The following SPAG9 variants were observed in gnomAD, a reference collection of about 807,000 sequenced individuals.
SPAG9 encodes the protein sperm associated antigen 9.
In SPAG9, 35 loss-of-function variants were observed where a neutral mutation model predicts 166.5. That is an observed-to-expected ratio of 0.21 (90% confidence interval 0.16 to 0.28). The LOEUF is 0.28. Ranked by LOEUF, SPAG9 falls within the 10% of genes least tolerant of loss-of-function variation. The probability of loss-of-function intolerance (pLI) is 1.00; values close to 1 mark genes in which losing one functional copy is unlikely to be tolerated. For synonymous variants in SPAG9, 534 were observed against 565.5 expected (o/e 0.94, Z 0.79); for missense variants, 1,235 against 1,603.3 (o/e 0.77, Z 3.92).
rs566038526 is a variant in SPAG9 at position 51,031,892 on chromosome 17, T to TA, written c.742-171dup. On this transcript the variant is annotated intron_variant, in intron 5 of 29. Coordinates refer to ENST00000262013, the MANE Select transcript of SPAG9 (RefSeq NM_001130528.3). Reference sequence around the variant, plus strand: ...GTTTTATTTTGACTTAAGCTGACCTTAACACTCTAGTTTAAGTAATATCAT... The same window carrying TA: ...GTTTTATTTTGACTTAAGCTGACCTTAAACACTCTAGTTTAAGTAATATCAT... 431 of 692,388 alleles carry TA rather than the reference T, an allele frequency of 6.2e-4. 2 individuals are homozygous for TA. In the African/African-American group the frequency reaches 6.3e-3, roughly 10 times the overall value. The allele number at this position is 692,388 out of a possible 1,614,324, so 42.9% of individuals were successfully genotyped here. A position where few individuals can be genotyped will look rare whatever the true frequency, so the allele number is the denominator to read the frequency against.
At position 51,119,183 on chromosome 17, in the gene SPAG9, TAC is replaced by T. The variant is rs1462982886; in HGVS notation, c.303+1169_303+1170del. Among the ~76,000 whole-genome samples, 8 of 152,148 alleles carry T rather than the reference TAC, an allele frequency of 5.3e-5. No homozygotes were observed. The East Asian group carries it at 1.5e-3, about 29-fold the overall frequency. ...AACTATTTAACCAGATGCAAAGGTA[TAC>T]GTGACAAAATAAAACAAAAATTTAA... On this transcript the variant is annotated intron_variant, in intron 1 of 29. Transcript: ENST00000262013.
chr17:51,012,171 T>G (rs1234521836), intron 9 of SPAG9, among the ~76,000 whole-genome samples: 1 of 152,230 alleles, frequency 6.6e-6, no homozygotes, highest in East Asian at 1.9e-4. Flanking sequence ...GCCAGGGAGT[T>G]AGTTTCTCAA....
At chr17:51,098,876 C>T (rs1027626002) in intron 1 of SPAG9, among the ~76,000 whole-genome samples, 11 of 151,584 alleles carry the variant, frequency 7.3e-5, no homozygotes, top group African/African-American at 1.4e-4. Context: ...CCAAGGCGGG[C>T]GGATCACAAG....
chr17:51,001,573 TGA>T (rs1293465196), intron 13 of SPAG9, 140 bp downstream of exon 13: 1 of 734,800 alleles, frequency 1.4e-6, no homozygotes, highest in African/African-American at 1.8e-5. Context: ...TTGCTAATTC[TGA>T]GTGTTACTTT....
intron 2 of SPAG9, among the ~76,000 whole-genome samples, chr17:51,067,011 CTT>C (rs1240467457): frequency 6.6e-6 from 1 of 152,044 alleles, no homozygotes; most frequent in African/African-American, 2.4e-5. Context: ...TGTTTTATGA[CTT>C]TGTGTATTTC....
chr17:51,112,690 A>AC (rs1309519903), intron 1 of SPAG9, among the ~76,000 whole-genome samples: 2 of 145,322 alleles, frequency 1.4e-5, no homozygotes, highest in Non-Finnish European at 3.0e-5. Flanking sequence ...AAAAAAAAAA[A>AC]AAAAAAAAAC....
At chr17:51,091,492 TTTG>T (rs201654704) in intron 1 of SPAG9, among the ~76,000 whole-genome samples, 2 of 151,694 alleles carry the variant, frequency 1.3e-5, no homozygotes, top group Non-Finnish European at 2.9e-5. Context: ...TTTCTGTTTT[TTTG>T]TTGTTGTTGT....
At chr17:51,115,459 C>A in intron 1 of SPAG9, among the ~76,000 whole-genome samples, 1 of 148,518 alleles carries the variant, frequency 6.7e-6, no homozygotes, top group African/African-American at 2.5e-5. Flanking sequence ...AAAAAGCAGA[C>A]ACAAAATCAC....
chr17:51,093,895 C>T (rs2048541628), intron 1 of SPAG9, among the ~76,000 whole-genome samples: 1 of 151,860 alleles, frequency 6.6e-6, no homozygotes, highest in Admixed American at 6.6e-5. Context: ...CTCACCCACA[C>T]AGGAAATAAG....
intron 21 of SPAG9, among the ~76,000 whole-genome samples, chr17:50,987,468 TA>T (rs1187685357): frequency 1.3e-5 from 2 of 150,442 alleles, no homozygotes; most frequent in East Asian, 3.9e-4. Flanking sequence ...GCCTCCTGAA[TA>T]ACAGGGACTA....
chr17:50,973,760 A>C (rs1424907182), intron 28 of SPAG9, among the ~76,000 whole-genome samples: 1 of 152,328 alleles, frequency 6.6e-6, no homozygotes, highest in South Asian at 2.1e-4. Context: ...TGAAAGCCTT[A>C]GAAGAAAAAG....
intron 1 of SPAG9, among the ~76,000 whole-genome samples, chr17:51,110,208 T>C (rs2144775333): frequency 6.6e-6 from 1 of 152,296 alleles, no homozygotes; most frequent in African/African-American, 2.4e-5. Context: ...TGTGTATATG[T>C]GTATCCACAC....
At chr17:51,025,542 C>A (rs2046132451) in intron 6 of SPAG9, among the ~76,000 whole-genome samples, 1 of 151,528 alleles carries the variant, frequency 6.6e-6, no homozygotes, top group Admixed American at 6.6e-5. Flanking sequence ...AACTACAAGT[C>A]CCTCTGAGCA....
At chr17:50,967,955 A>C (rs1973484929) in intron 29 of SPAG9, among the ~76,000 whole-genome samples, 1 of 152,184 alleles carries the variant, frequency 6.6e-6, no homozygotes, top group African/African-American at 2.4e-5. Context: ...TCCACAATGG[A>C]AGGAATTTTT....
Position 51,014,320 on chromosome 17 carries a change from A to T in SPAG9, c.1125T>A (p.Phe375Leu), listed in dbSNP as rs2045610693. ...TPTKGIENKA[F>L]DRNTESLFEE... ...CAAAGAGAGATTCTGTATTGCGATCAAAAGCTTTGTTCTCTATGCCTTTGG... is the reference window on the plus strand; with the variant it reads ...CAAAGAGAGATTCTGTATTGCGATCTAAAGCTTTGTTCTCTATGCCTTTGG... Residue 375 changes from phenylalanine (F) to leucine (L), a missense_variant, in exon 9 of 30, where the codon TTT becomes TTA. Phe to Leu is a conservative substitution (Grantham distance 22, BLOSUM62 0). Around this residue, in one of 6 missense-constraint regions of SPAG9, gnomAD observed 288 missense variants for 323.7 expected, o/e 0.89. Transcript: ENST00000262013. The T allele has an allele frequency of 6.2e-7, 1 of 1,613,634 alleles. No individual in the cohort carries two copies. The highest frequency in any genetic ancestry group is 1.1e-5 in the South Asian group (1 of 91,038).
chr17:51,068,018 G>T (rs1241048078), intron 2 of SPAG9, among the ~76,000 whole-genome samples: 1 of 152,152 alleles, frequency 6.6e-6, no homozygotes, highest in Non-Finnish European at 1.5e-5. Flanking sequence ...TAGGCCTACG[G>T]GGGGAAGAAA....
intron 2 of SPAG9, among the ~76,000 whole-genome samples, chr17:51,079,362 C>T (rs556734260): frequency 1.3e-5 from 2 of 152,190 alleles, no homozygotes; most frequent in East Asian, 3.9e-4. Flanking sequence ...CCTCAGCCTC[C>T]TAAGTAGCTG....
At chr17:51,097,909 A>T (rs2048690625) in intron 1 of SPAG9, among the ~76,000 whole-genome samples, 1 of 152,042 alleles carries the variant, frequency 6.6e-6, no homozygotes, top group African/African-American at 2.4e-5. Context: ...TGCAACCTCG[A>T]CCTTCAGGGC....
At chr17:50,977,415 C>G (rs910481503) in intron 26 of SPAG9, among the ~76,000 whole-genome samples, 194 bp from the exon 27 acceptor site, 3 of 152,082 alleles carry the variant, frequency 2.0e-5, no homozygotes, top group Non-Finnish European at 2.9e-5. Context: ...TCAAAGTAAG[C>G]TCATATTGGG....
Sources: allele counts gnomAD v4.1 joint callset (sites outside exome capture counted in the v4.1 genomes callset), GRCh38; gene constraint gnomAD v4.1.1; regional missense constraint gnomAD v4.1.1; transcripts MANE v1.5; gene names NCBI Gene and HGNC (gene_info 2026-07-23, HGNC 2026-07-21).